DUS2: variants seen among roughly 807,000 people sequenced by gnomAD.
The protein encoded by DUS2 is tRNA-dihydrouridine(20) synthase [NAD(P)+]-like.
A neutral mutation model predicts 71.3 loss-of-function variants in DUS2; 52 were observed. That is an observed-to-expected ratio of 0.73 (90% CI 0.58 to 0.92). The LOEUF (loss-of-function observed/expected upper bound fraction) is 0.92, where lower values mean the gene tolerates loss of function less well. DUS2 is among the 40% of genes least tolerant of loss of function. The probability of loss-of-function intolerance (pLI) is 0.00; values close to 1 mark genes in which losing one functional copy is unlikely to be tolerated. For synonymous variants in DUS2, 204 were observed against 227.8 expected (o/e 0.90, Z 0.94); for missense variants, 558 against 622.6 (o/e 0.90, Z 1.10).
intron 4 of DUS2, among the ~76,000 whole-genome samples, chr16:68,052,948 T>C (rs1312756027): frequency 6.7e-6 from 1 of 149,992 alleles, no homozygotes; most frequent in African/African-American, 2.5e-5. Flanking sequence ...CGGCTATGTA[T>C]GTACATTTTG....
At chr16:68,071,150 C>CTA (rs2034081514) in intron 12 of DUS2, 42 bp downstream of exon 12, 1 of 1,605,638 alleles carries the variant, frequency 6.2e-7, no homozygotes, top group African/African-American at 1.3e-5. Context: ...TTCTCACTGT[C>CTA]TACCACACTC....
intron 12 of DUS2, among the ~76,000 whole-genome samples, chr16:68,072,208 G>A (rs569672075): frequency 3.0e-4 from 45 of 152,298 alleles, no homozygotes; most frequent in Middle Eastern, 6.8e-3. Context: ...TGAGGTCTGC[G>A]TCCAGAGCTG....
At chr16:68,075,617 CTTG>C in intron 14 of DUS2, 113 bp downstream of exon 14, 1 of 1,137,054 alleles carries the variant, frequency 8.8e-7, no homozygotes, top group Non-Finnish European at 1.2e-6. Flanking sequence ...GACCACAGGT[CTTG>C]TTGGTTTGGA....
intron 3 of DUS2, among the ~76,000 whole-genome samples, chr16:68,040,823 G>A (rs990751252): frequency 1.3e-5 from 2 of 152,042 alleles, no homozygotes; most frequent in African/African-American, 4.8e-5. Context: ...TCTTACTGGG[G>A]GTGGCGGGGG....
In DUS2 at chr16:68,063,339, G is replaced by A. The variant is rs189227310; in HGVS notation, c.417+2226G>A. ...GCTGGGTGACCTGGGTGAGAGCTTTGCGGGTCCTTCCAGGCTTGGCGTTTT... is the reference window on the plus strand; with the variant it reads ...GCTGGGTGACCTGGGTGAGAGCTTTACGGGTCCTTCCAGGCTTGGCGTTTT... On this transcript the variant is annotated intron_variant, in intron 8 of 16. Coordinates refer to ENST00000565263, the MANE Select transcript of DUS2 (RefSeq NM_017803.5). Among the ~76,000 whole-genome samples, 770 of 152,272 alleles carry A rather than the reference G, an allele frequency of 5.1e-3. 8 individuals carry two copies. The highest frequency in any genetic ancestry group is 0.017 in the African/African-American group (702 of 41,562).
intron 13 of DUS2, among the ~76,000 whole-genome samples, chr16:68,075,017 G>T (rs1440534618): frequency 6.6e-6 from 1 of 152,156 alleles, no homozygotes; most frequent in Non-Finnish European, 1.5e-5. Flanking sequence ...CCATGTGCTT[G>T]ATCAGCATTG....
intron 6 of DUS2, among the ~76,000 whole-genome samples, chr16:68,054,999 C>T (rs1466754285): frequency 4.0e-5 from 6 of 151,852 alleles, no homozygotes; most frequent in African/African-American, 1.5e-4. Flanking sequence ...GCCGAGATTG[C>T]GCCATTGCAC....
At chr16:68,044,823 C>T (rs1404709174) in intron 3 of DUS2, among the ~76,000 whole-genome samples, 3 of 152,008 alleles carry the variant, frequency 2.0e-5, no homozygotes, top group Non-Finnish European at 4.4e-5. Flanking sequence ...GGCAGAGTCC[C>T]GCTTAGTTGC....
intron 6 of DUS2, among the ~76,000 whole-genome samples, chr16:68,055,661 G>T (rs145563865): frequency 6.6e-6 from 1 of 152,088 alleles, no homozygotes; most frequent in East Asian, 1.9e-4. Flanking sequence ...AATAATGCCT[G>T]TAAATGTCTT....
chr16:68,037,670 C>T (rs552020714), intron 2 of DUS2, among the ~76,000 whole-genome samples: 2 of 152,102 alleles, frequency 1.3e-5, no homozygotes, highest in South Asian at 2.1e-4. Flanking sequence ...CCGCCTGCCT[C>T]GGCCTCCCAA....
intron 12 of DUS2, among the ~76,000 whole-genome samples, chr16:68,071,882 C>T (rs1403811548): frequency 6.6e-6 from 1 of 152,128 alleles, no homozygotes; most frequent in Non-Finnish European, 1.5e-5. Flanking sequence ...CCAGTTTCTT[C>T]TCATTGAGAG....
At chr16:68,062,579 C>T (rs1033326800) in intron 8 of DUS2, among the ~76,000 whole-genome samples, 13 of 151,482 alleles carry the variant, frequency 8.6e-5, no homozygotes, top group African/African-American at 1.5e-4. Context: ...ATTAGCTGGG[C>T]GTGGTGGCGG....
In DUS2 at chr16:68,079,309, C is replaced by G. The variant is rs1371468902; in HGVS notation, c.*323C>G. Reference sequence around the variant, plus strand: ...CACGGCTGGCTGCTTCAGCCTTGGGCATCTTCATAAATGGGCTTGTGTCCT... The same window carrying G: ...CACGGCTGGCTGCTTCAGCCTTGGGGATCTTCATAAATGGGCTTGTGTCCT... On this transcript the variant is annotated 3_prime_UTR_variant, in exon 17 of 17. Coordinates refer to ENST00000565263, the MANE Select transcript of DUS2 (RefSeq NM_017803.5). 4.8e-6 allele frequency: 1 copy of G among 209,724 alleles called. No individual in the cohort carries two copies. The highest frequency in any genetic ancestry group is 9.5e-6 in the Non-Finnish European group (1 of 105,546). The allele number at this position is 209,724 out of a possible 1,614,324, so 13.0% of individuals were successfully genotyped here.
At chr16:68,070,913 AC>A in intron 11 of DUS2, 26 bp from the exon 12 acceptor site, 2 of 1,607,152 alleles carry the variant, frequency 1.2e-6, no homozygotes, top group South Asian at 1.1e-5. Context: ...TGATGGGGAC[AC>A]CCCTAACCCT....
chr16:68,043,823 C>A (rs992105692), intron 3 of DUS2, among the ~76,000 whole-genome samples: 1 of 152,104 alleles, frequency 6.6e-6, no homozygotes, highest in Non-Finnish European at 1.5e-5. Context: ...TGCCCCCATG[C>A]CTGCTTAATT....
Position 68,057,262 on chromosome 16 carries a change from A to AG in DUS2, c.369+838_369+839insG, listed in dbSNP as rs1491143593. ...TATATATATATAGAGAGAGAGAGAGAAAGAGAGAGAGAGAGAGAACTCATG... is the reference window on the plus strand; with the variant it reads ...TATATATATATAGAGAGAGAGAGAGAGAAGAGAGAGAGAGAGAGAACTCATG... On this transcript the variant is annotated intron_variant, in intron 7 of 16. Transcript: ENST00000565263. Among the ~76,000 whole-genome samples the AG allele has an allele frequency of 5.9e-3, 870 of 146,590 alleles. 11 individuals are homozygous for AG. The highest frequency in any genetic ancestry group is 0.021 in the African/African-American group (820 of 39,978).
At chr16:68,055,766 T>G (rs1181381806) in intron 6 of DUS2, among the ~76,000 whole-genome samples, 1 of 150,908 alleles carries the variant, frequency 6.6e-6, no homozygotes, top group East Asian at 2.0e-4. Context: ...TTGCTGCTGA[T>G]CACGGACTAT....
At chr16:68,076,887 G>A (rs1405900822) in intron 15 of DUS2, among the ~76,000 whole-genome samples, 168 bp downstream of exon 15, 2 of 151,498 alleles carry the variant, frequency 1.3e-5, no homozygotes, top group African/African-American at 2.4e-5. Flanking sequence ...ACAGTGGCCT[G>A]TTGTCCAGTT....
intron 8 of DUS2, among the ~76,000 whole-genome samples, chr16:68,061,474 T>A (rs1163674604): frequency 1.3e-5 from 2 of 152,046 alleles, no homozygotes; most frequent in African/African-American, 4.8e-5. Flanking sequence ...TCAGTGGCCA[T>A]ATGTGTTTGT....
Sources: gnomAD v4.1 joint callset for allele counts (sites outside exome capture counted in the v4.1 genomes callset) on GRCh38, gnomAD v4.1.1 for gene constraint, MANE v1.5 for transcripts, NCBI Gene and HGNC (gene_info 2026-07-23, HGNC 2026-07-21) for gene names.